Variants in FOXO1 observed in about 807,000 individuals in gnomAD.
FOXO1 encodes forkhead box protein O1.
FOXO1 carries 6 observed loss-of-function variants against 44.1 expected under a neutral mutation model. The ratio of observed to expected loss-of-function variants is 0.14; its 90% confidence interval spans 0.07 to 0.27. The LOEUF (loss-of-function observed/expected upper bound fraction) is 0.27. Among genes scored for constraint, FOXO1 ranks in the 10% least tolerant of loss-of-function variants. The pLI is 1.00. For synonymous variants in FOXO1, 380 were observed against 362.7 expected, an observed-to-expected ratio of 1.05 and a Z score of -0.54; for missense variants, 737 against 888.8, an observed-to-expected ratio of 0.83 and a Z score of 2.17.
intron 1 of FOXO1, among the ~76,000 whole-genome samples, chr13:40,648,761 T>A: frequency 6.6e-6 from 1 of 152,300 alleles, no homozygotes; most frequent in African/African-American, 2.4e-5. Context: ...CCCAAAATAC[T>A]ATTAATATAT....
chr13:40,603,999 T>C (rs1875906460), intron 1 of FOXO1, among the ~76,000 whole-genome samples: 1 of 152,156 alleles, frequency 6.6e-6, no homozygotes, highest in South Asian at 2.1e-4. Flanking sequence ...TGATGTGGTG[T>C]GCTGGGGAAG....
At chr13:40,565,602 C>T (rs1874235862) in intron 1 of FOXO1, among the ~76,000 whole-genome samples, 1 of 152,198 alleles carries the variant, frequency 6.6e-6, no homozygotes, top group Non-Finnish European at 1.5e-5. Flanking sequence ...AGCACAGGGA[C>T]CTTTGTCTGT....
At chr13:40,585,534 C>T (rs1448674380) in intron 1 of FOXO1, among the ~76,000 whole-genome samples, 1 of 152,216 alleles carries the variant, frequency 6.6e-6, no homozygotes, top group Non-Finnish European at 1.5e-5. Flanking sequence ...GTAATCACTT[C>T]TTATCAAACA....
chr13:40,660,217 G>A (rs1045796501), intron 1 of FOXO1, among the ~76,000 whole-genome samples: 2 of 152,144 alleles, frequency 1.3e-5, no homozygotes, highest in Non-Finnish European at 2.9e-5. Context: ...CAAAGGCAAA[G>A]GCAAATCTTG....
intron 1 of FOXO1, among the ~76,000 whole-genome samples, chr13:40,588,610 G>A (rs180987676): frequency 1.3e-5 from 2 of 152,274 alleles, no homozygotes; most frequent in African/African-American, 2.4e-5. Context: ...TACAGGGGCT[G>A]GGAAGCACTA....
At chr13:40,617,149 A>C (rs568377302) in intron 1 of FOXO1, among the ~76,000 whole-genome samples, 1 of 152,246 alleles carries the variant, frequency 6.6e-6, no homozygotes, top group Non-Finnish European at 1.5e-5. Context: ...TCCTTGACCA[A>C]TAACAAAGGT....
At chr13:40,630,302 G>A (rs1876919290) in intron 1 of FOXO1, among the ~76,000 whole-genome samples, 1 of 151,920 alleles carries the variant, frequency 6.6e-6, no homozygotes, top group African/African-American at 2.4e-5. Context: ...AAACAGTCTG[G>A]GGCTGTTTGC....
intron 1 of FOXO1, among the ~76,000 whole-genome samples, chr13:40,639,150 G>A (rs987802941): frequency 6.6e-6 from 1 of 151,942 alleles, no homozygotes; most frequent in Non-Finnish European, 1.5e-5. Flanking sequence ...GCTGAGATCA[G>A]ATAGTGCCAC....
intron 1 of FOXO1, among the ~76,000 whole-genome samples, chr13:40,663,266 A>T (rs1878093805): frequency 6.6e-6 from 1 of 152,258 alleles, no homozygotes; most frequent in African/African-American, 2.4e-5. Context: ...CAAGAACCTG[A>T]TAAAAATGGT....
Position 40,556,292 on chromosome 13 carries a change from G to A in FOXO1, c.*2757C>T, listed in dbSNP as rs1873746989. On this transcript the variant is annotated 3_prime_UTR_variant, in exon 3 of 3. Coordinates refer to ENST00000379561, the MANE Select transcript of FOXO1 (RefSeq NM_002015.4). ...ATTTACTGCTCACTGGGATACATGT[G>A]CTCATTTAGACTTTGTCAGTTTGTC... 1 of 152,542 alleles carries A rather than the reference G, an allele frequency of 6.6e-6. No homozygotes were observed. Among genetic ancestry groups the A allele is most frequent in the South Asian group, 2.1e-4 (1 of 4,830 alleles). The allele number at this position is 152,542 out of a possible 1,614,324, so 9.4% of individuals were successfully genotyped here.
chr13:40,616,198 A>G (rs1015504931), intron 1 of FOXO1, among the ~76,000 whole-genome samples: 2 of 152,176 alleles, frequency 1.3e-5, no homozygotes, highest in African/African-American at 4.8e-5. Flanking sequence ...TACTTGGAAT[A>G]TTTACTCAAA....
chr13:40,585,343 G>GCGCGCA (rs10623475), intron 1 of FOXO1, among the ~76,000 whole-genome samples: 1,909 of 147,120 alleles, frequency 0.013, 15 homozygotes, highest in South Asian at 0.018. Context: ...CTGCGCGCGC[G>GCGCGCA]CACACACACA....
chr13:40,559,164 C>A, intron 2 of FOXO1, 130 bp from the exon 3 acceptor site: 1 of 402,850 alleles, frequency 2.5e-6, no homozygotes, highest in Non-Finnish European at 4.4e-6. Flanking sequence ...AGAGCTTTCT[C>A]AAACAGCTCT....
intron 1 of FOXO1, among the ~76,000 whole-genome samples, chr13:40,607,548 A>T (rs1274598737): frequency 6.6e-6 from 1 of 152,174 alleles, no homozygotes; most frequent in African/African-American, 2.4e-5. Context: ...AGGGAAATAA[A>T]GTTATCAGGG....
intron 1 of FOXO1, among the ~76,000 whole-genome samples, chr13:40,603,092 G>A (rs1875867508): frequency 6.6e-6 from 1 of 152,072 alleles, no homozygotes; most frequent in Non-Finnish European, 1.5e-5. Context: ...CAATTCAGGG[G>A]GCTGCCAATG....
chr13:40,652,024 T>C (rs933314228), intron 1 of FOXO1, among the ~76,000 whole-genome samples: 1 of 152,132 alleles, frequency 6.6e-6, no homozygotes, highest in African/African-American at 2.4e-5. Context: ...CCTACATACC[T>C]ACCCATCCAG....
At chr13:40,619,984 CAG>C (rs1318219828) in intron 1 of FOXO1, 1 of 699,362 alleles carries the variant, frequency 1.4e-6, no homozygotes, top group Non-Finnish European at 2.6e-6. Context: ...TTCACCAATT[CAG>C]AGACACAGTG....
chr13:40,658,458 A>G (rs1172376328), intron 1 of FOXO1, among the ~76,000 whole-genome samples: 1 of 152,180 alleles, frequency 6.6e-6, no homozygotes, highest in Non-Finnish European at 1.5e-5. Context: ...GAAATACAGT[A>G]TGTTCAGTTT....
intron 1 of FOXO1, among the ~76,000 whole-genome samples, chr13:40,635,119 G>C (rs1877103628): frequency 6.6e-6 from 1 of 152,032 alleles, no homozygotes; most frequent in African/African-American, 2.4e-5. Context: ...ACCTGGTAAG[G>C]CATATGGCAT....
Sources: gnomAD v4.1 joint callset for allele counts (sites outside exome capture counted in the v4.1 genomes callset) on GRCh38, gnomAD v4.1.1 for gene constraint, MANE v1.5 for transcripts, NCBI Gene and HGNC (gene_info 2026-07-23, HGNC 2026-07-21) for gene names.